SPAG16: variants seen among roughly 807,000 people sequenced by gnomAD.
SPAG16 encodes the protein sperm associated antigen 16.
A neutral mutation model predicts 80.4 loss-of-function variants in SPAG16; 86 were observed. The observed-to-expected ratio is 1.07, with a 90% CI of 0.90 to 1.28. The LOEUF is 1.28. Ranked by LOEUF, SPAG16 falls within the 50% of genes most tolerant of loss-of-function variation. SPAG16 has a pLI of 0.00. For missense variants in SPAG16, 870 were observed against 765.3 expected (o/e 1.14, Z -1.61); for synonymous variants, 294 against 265.9 (o/e 1.11, Z -1.03).
chr2:213,316,908 C>T (rs2063422014), intron 4 of SPAG16, among the ~76,000 whole-genome samples: 1 of 151,974 alleles, frequency 6.6e-6, no homozygotes, highest in Non-Finnish European at 1.5e-5. Flanking sequence ...TTATCACCCT[C>T]CCCACTAGAA....
At chr2:214,025,856 A>T (rs2048100478) in intron 13 of SPAG16, among the ~76,000 whole-genome samples, 1 of 151,542 alleles carries the variant, frequency 6.6e-6, no homozygotes, top group Non-Finnish European at 1.5e-5. Context: ...ACACTTGTGC[A>T]TTCTATATAT....
intron 10 of SPAG16, among the ~76,000 whole-genome samples, chr2:213,655,777 A>T (rs2063200029): frequency 6.6e-6 from 1 of 152,202 alleles, no homozygotes; most frequent in Non-Finnish European, 1.5e-5. Flanking sequence ...TAATGATTAA[A>T]ATTTTAAATG....
At chr2:213,611,352 G>GTAT (rs2061434531) in intron 10 of SPAG16, among the ~76,000 whole-genome samples, 1 of 152,166 alleles carries the variant, frequency 6.6e-6, no homozygotes, top group Admixed American at 6.5e-5. Context: ...TGGTAAGCAT[G>GTAT]TATTAATAGC....
intron 5 of SPAG16, among the ~76,000 whole-genome samples, chr2:213,331,743 T>C (rs761923576): frequency 3.3e-5 from 5 of 152,124 alleles, no homozygotes; most frequent in African/African-American, 7.2e-5. Context: ...GGAAACCATA[T>C]GAACATGTAG....
At chr2:214,054,812 A>G (rs2049849051) in intron 13 of SPAG16, among the ~76,000 whole-genome samples, 1 of 152,182 alleles carries the variant, frequency 6.6e-6, no homozygotes, top group Admixed American at 6.5e-5. Context: ...GCAATGTTGC[A>G]GTTTTAATTA....
intron 9 of SPAG16, among the ~76,000 whole-genome samples, chr2:213,474,954 T>A (rs561086336): frequency 6.6e-6 from 1 of 152,344 alleles, no homozygotes; most frequent in Non-Finnish European, 1.5e-5. Flanking sequence ...ACACTCAGTA[T>A]TAACCATCAC....
In SPAG16 at chr2:214,011,299, T is replaced by C. The variant is rs576186246; in HGVS notation, c.1401-2652T>C. On this transcript the variant is annotated intron_variant, in intron 12 of 15. Transcript: ENST00000331683. ...TTTTAGATTCATTAAAAATAGCAGG[T>C]AAAATTTGTACATAAAACAGTAATT... Among the ~76,000 whole-genome samples the C allele has an allele frequency of 1.4e-4, 21 of 146,370 alleles. 6 individuals carry two copies. Among genetic ancestry groups the C allele is most frequent in the African/African-American group, 5.3e-4 (20 of 37,420 alleles).
At chr2:213,440,811 G>A (rs776587337) in intron 9 of SPAG16, among the ~76,000 whole-genome samples, 36 of 152,086 alleles carry the variant, frequency 2.4e-4, no homozygotes, top group Non-Finnish European at 2.1e-4. Context: ...AAACATGAAA[G>A]GTATATTAAT....
intron 15 of SPAG16, among the ~76,000 whole-genome samples, chr2:214,273,567 T>C (rs1159756097): frequency 6.6e-6 from 1 of 151,968 alleles, no homozygotes; most frequent in African/African-American, 2.4e-5. Flanking sequence ...CCCATTTATT[T>C]CTTTTTTTTG....
chr2:213,877,786 T>C (rs2076196184), intron 11 of SPAG16, among the ~76,000 whole-genome samples: 1 of 152,060 alleles, frequency 6.6e-6, no homozygotes, highest in Non-Finnish European at 1.5e-5. Flanking sequence ...TGATCTCATT[T>C]ATGAATCATG....
At chr2:213,338,433 G>A (rs1466336110) in intron 5 of SPAG16, among the ~76,000 whole-genome samples, 1 of 152,182 alleles carries the variant, frequency 6.6e-6, no homozygotes, top group Non-Finnish European at 1.5e-5. Context: ...GCTGGATAGA[G>A]GCAAGATTCA....
At chr2:213,295,884 T>C (rs555750015) in intron 1 of SPAG16, among the ~76,000 whole-genome samples, 180 bp from the exon 2 acceptor site, 1 of 152,296 alleles carries the variant, frequency 6.6e-6, no homozygotes, top group East Asian at 1.9e-4. Flanking sequence ...ATTTTATTTT[T>C]AAATATCTAG....
chr2:214,158,233 A>G (rs900970959), intron 15 of SPAG16, among the ~76,000 whole-genome samples: 1 of 152,084 alleles, frequency 6.6e-6, no homozygotes, highest in Non-Finnish European at 1.5e-5. Context: ...TGATATCCTG[A>G]GTCAAACATA....
intron 15 of SPAG16, among the ~76,000 whole-genome samples, chr2:214,398,821 T>C (rs1701543275): frequency 6.6e-6 from 1 of 152,218 alleles, no homozygotes; most frequent in South Asian, 2.1e-4. Context: ...GGAAATTTTA[T>C]AGACATACTT....
chr2:214,191,524 C>T (rs1489975385), intron 15 of SPAG16, among the ~76,000 whole-genome samples: 1 of 151,654 alleles, frequency 6.6e-6, no homozygotes, highest in East Asian at 1.9e-4. Context: ...ACCAGCTTGA[C>T]CAATGTAGGG....
At chr2:213,812,983 G>A (rs1340241539) in intron 10 of SPAG16, among the ~76,000 whole-genome samples, 2 of 151,838 alleles carry the variant, frequency 1.3e-5, no homozygotes, top group Non-Finnish European at 2.9e-5. Context: ...TCTAAATTTG[G>A]GTAAGAAAAG....
chr2:214,364,374 C>T (rs1699357622), intron 15 of SPAG16, among the ~76,000 whole-genome samples: 2 of 152,034 alleles, frequency 1.3e-5, no homozygotes, highest in Non-Finnish European at 2.9e-5. Flanking sequence ...TCCCTGACTC[C>T]AAAAAGAGGT....
At chr2:213,539,198 A>AT (rs1182641506) in intron 10 of SPAG16, among the ~76,000 whole-genome samples, 2 of 152,178 alleles carry the variant, frequency 1.3e-5, no homozygotes, top group East Asian at 3.8e-4. Context: ...ATAGTACAAC[A>AT]TTCTCTTCAG....
In SPAG16 at chr2:213,836,903, C is replaced by T. The variant is rs1293343610; in HGVS notation, c.1071-25582C>T. 4.6e-5 allele frequency among the ~76,000 whole-genome samples: 7 copies of T among 152,250 alleles called. No individual in the cohort carries two copies. In the East Asian group the frequency reaches 1.4e-3, roughly 29 times the overall value. ...TGTTGGGATTACAGGCATGAGCCAC[C>T]AGGCCCAGCCCAAATCTTAGTATCT... is the stretch of plus-strand genomic sequence containing the variant. On this transcript the variant is annotated intron_variant, in intron 10 of 15. Transcript: ENST00000331683.
Sources: allele counts gnomAD v4.1 joint callset (sites outside exome capture counted in the v4.1 genomes callset), GRCh38; gene constraint gnomAD v4.1.1; transcripts MANE v1.5; gene names NCBI Gene and HGNC (gene_info 2026-07-23, HGNC 2026-07-21).